Variants in COPA observed in about 807,000 individuals in gnomAD.
The protein encoded by COPA is coatomer subunit alpha.
A neutral mutation model predicts 158.7 loss-of-function variants in COPA; 10 were observed. The observed-to-expected ratio is 0.06, with a 90% CI of 0.04 to 0.11. The LOEUF is 0.11. Ranked by LOEUF, COPA falls within the 10% of genes least tolerant of loss-of-function variation. The pLI, the probability that COPA is intolerant of heterozygous loss-of-function variation, is 1.00. For missense variants in COPA, 1,065 were observed against 1,536.7 expected, an observed-to-expected ratio of 0.69 and a Z score of 5.13; for synonymous variants, 462 against 542.8, an observed-to-expected ratio of 0.85 and a Z score of 2.07.
At chr1:160,342,415 C>T (rs1648117845) in intron 1 of COPA, among the ~76,000 whole-genome samples, 1 of 152,106 alleles carries the variant, frequency 6.6e-6, no homozygotes, top group South Asian at 2.1e-4. Context: ...TGCCCTCCAC[C>T]CCCAACGACC....
chr1:160,314,166 A>G (rs1440084481), intron 8 of COPA, 41 bp from the exon 9 acceptor site: 2 of 1,581,952 alleles, frequency 1.3e-6, no homozygotes, highest in South Asian at 2.3e-5. Flanking sequence ...ATTCCCTACT[A>G]CTATAACTTT....
chr1:160,293,318 A>G, intron 26 of COPA, 68 bp downstream of exon 26: 1 of 1,610,382 alleles, frequency 6.2e-7, no homozygotes, highest in African/African-American at 1.3e-5. Context: ...AAAAGTAGCC[A>G]ACACCTGTTA....
At chr1:160,307,514 G>A (rs989639583) in intron 13 of COPA, among the ~76,000 whole-genome samples, 1 of 152,262 alleles carries the variant, frequency 6.6e-6, no homozygotes, top group Admixed American at 6.5e-5. Flanking sequence ...CTGGCAGAAG[G>A]GCCGCCCATC....
At chr1:160,314,212 C>G (rs1393666395) in intron 8 of COPA, 87 bp from the exon 9 acceptor site, 8 of 1,419,610 alleles carry the variant, frequency 5.6e-6, no homozygotes, top group Middle Eastern at 3.9e-4. Flanking sequence ...TCATCAAGAA[C>G]TAAGTACTAT....
At chr1:160,306,106 G>C (rs16831797) in intron 15 of COPA, among the ~76,000 whole-genome samples, 2,141 of 152,190 alleles carry the variant, frequency 0.014, 47 homozygotes, top group African/African-American at 0.043. Context: ...TTCTAAGCTC[G>C]GAGAACACGC....
Position 160,294,594 on chromosome 1 carries a change from CT to C in COPA, c.2567-2del. Reference sequence around the variant, plus strand: ...CCTTCTGTAGCCTCCACAAACCCATCTGTAAGGAAAATTCAAGCTCAAAACA... The same window carrying C: ...CCTTCTGTAGCCTCCACAAACCCATCGTAAGGAAAATTCAAGCTCAAAACA... On this transcript the variant is annotated splice_acceptor_variant, in intron 24 of 32. Transcript: ENST00000241704. LOFTEE classifies it high-confidence loss of function. 1 of 1,614,188 alleles carries C rather than the reference CT, an allele frequency of 6.2e-7. No individual in the cohort carries two copies.
rs747446713 is a variant in COPA at position 160,294,865 on chromosome 1, GGGAA to G, written c.2477-12_2477-9del. ...CCAGTGCTCCTCCCTTCCCTACAGA[GGGAA>G]GGAACAGAACGGAACTGGTTATAGT... On this transcript the variant is annotated splice_polypyrimidine_tract_variant and intron_variant, in intron 23 of 32. Transcript: ENST00000241704. The G allele has an allele frequency of 1.9e-6, 3 of 1,613,424 alleles. No homozygotes were observed. In the South Asian group the frequency reaches 3.3e-5, roughly 18 times the overall value.
chr1:160,327,365 C>T (rs541435506), intron 6 of COPA, among the ~76,000 whole-genome samples: 15 of 149,568 alleles, frequency 1.0e-4, no homozygotes, highest in Non-Finnish European at 8.9e-5. Flanking sequence ...GGCAAAACCC[C>T]GTCTCTACTA....
rs537959958 is a variant in COPA, at chr1:160,332,664, T to G, written c.387-107A>C. The stretch of plus-strand genomic sequence containing the variant: ...ATAAATGCTTATCCAGTTTTACTTT[T>G]ATGGAGACAAAGGCAGGTCATCCTA... On this transcript the variant is annotated intron_variant, in intron 5 of 32. Transcript: ENST00000241704. 8 of 690,464 alleles carry G rather than the reference T, an allele frequency of 1.2e-5. No individual in the cohort carries two copies. In the South Asian group the frequency reaches 1.9e-4, roughly 17 times the overall value. The allele number at this position is 690,464 out of a possible 1,614,324, so 42.8% of individuals were successfully genotyped here.
intron 8 of COPA, among the ~76,000 whole-genome samples, chr1:160,316,305 C>T (rs1410704390): frequency 3.3e-5 from 5 of 151,504 alleles, no homozygotes; most frequent in South Asian, 2.1e-4. Flanking sequence ...TTGCAGTGAG[C>T]TGAGATTGTA....
Position 160,305,397 on chromosome 1 carries a change from T to C in COPA, c.1667+36A>G, listed in dbSNP as rs756038132. ...ACAAGACAGTGATTTCAGGAAGCTG[T>C]CTTCTCCCATTCTGTATCCCAGATA... On this transcript the variant is annotated intron_variant, in intron 17 of 32. Transcript: ENST00000241704. The C allele has an allele frequency of 5.6e-6, 9 of 1,602,788 alleles. No individual in the cohort carries two copies. The South Asian group carries it at 8.9e-5, about 16-fold the overall frequency.
chr1:160,298,688 A>T (rs1233052909), intron 19 of COPA, among the ~76,000 whole-genome samples, 157 bp downstream of exon 19: 1 of 152,230 alleles, frequency 6.6e-6, no homozygotes, highest in African/African-American at 2.4e-5. Flanking sequence ...GAGATGGGCA[A>T]ATAGCAACAG....
intron 7 of COPA, among the ~76,000 whole-genome samples, chr1:160,324,473 T>TG (rs1368008550): frequency 1.3e-5 from 2 of 150,202 alleles, no homozygotes; most frequent in Non-Finnish European, 3.0e-5. Context: ...TTTTTTTTTT[T>TG]TTTTGGTAGA....
chr1:160,336,946 G>A (rs955269027), intron 3 of COPA, among the ~76,000 whole-genome samples: 2 of 152,018 alleles, frequency 1.3e-5, no homozygotes, highest in Non-Finnish European at 2.9e-5. Context: ...CCTGACATTA[G>A]GTAAGTGCTC....
Position 160,302,484 on chromosome 1 carries a change from T to C in COPA, c.1667+2949A>G, listed in dbSNP as rs143417026. Among the ~76,000 whole-genome samples the C allele has an allele frequency of 5.9e-5, 9 of 151,742 alleles. No individual in the cohort carries two copies. The East Asian group carries it at 1.7e-3, about 29-fold the overall frequency. ...AAGATGACAGTTATCCCCCAACTGATGTAGAGAATTAATGCAATTCCAAAC... is the reference window on the plus strand; with the variant it reads ...AAGATGACAGTTATCCCCCAACTGACGTAGAGAATTAATGCAATTCCAAAC... On this transcript the variant is annotated intron_variant, in intron 17 of 32. Transcript: ENST00000241704.
At chr1:160,307,491 C>T (rs550912236) in intron 13 of COPA, among the ~76,000 whole-genome samples, 1 of 152,370 alleles carries the variant, frequency 6.6e-6, no homozygotes, top group Admixed American at 6.5e-5. Context: ...TGCATTTCAG[C>T]CAACATCATG....
chr1:160,326,518 C>A (rs1415075248), intron 6 of COPA, among the ~76,000 whole-genome samples: 5 of 152,056 alleles, frequency 3.3e-5, no homozygotes, highest in Non-Finnish European at 7.4e-5. Context: ...GACATTGAGA[C>A]CCTATCTCAA....
chr1:160,338,775 CG>C (rs1373824590), intron 3 of COPA, among the ~76,000 whole-genome samples: 1 of 152,128 alleles, frequency 6.6e-6, no homozygotes, highest in Non-Finnish European at 1.5e-5. Context: ...TGGTTCATCT[CG>C]AACCCCTCGA....
chr1:160,289,930 A>C lies in COPA; in HGVS notation c.*227T>G. The C allele has an allele frequency of 2.0e-6, 1 of 494,966 alleles. No individual in the cohort carries two copies. The highest frequency in any genetic ancestry group is 3.6e-6 in the Non-Finnish European group (1 of 278,454). 30.7% of individuals were successfully genotyped at this position (494,966 alleles called of 1,614,324 possible). ...GTTCCTTAAAATAATTAAGCTGGAA[A>C]GGCAAGGACAATTATGAGCACAACT... On this transcript the variant is annotated 3_prime_UTR_variant, in exon 33 of 33. Coordinates refer to ENST00000241704, the MANE Select transcript of COPA (RefSeq NM_004371.4).
Sources: allele counts gnomAD v4.1 joint callset (sites outside exome capture counted in the v4.1 genomes callset), GRCh38; gene constraint gnomAD v4.1.1; transcripts MANE v1.5; gene names NCBI Gene and HGNC (gene_info 2026-07-23, HGNC 2026-07-21).